Variants in GOLGA1 observed in about 807,000 individuals in gnomAD.
GOLGA1 encodes golgin A1.
GOLGA1 carries 63 observed loss-of-function variants against 119.7 expected under a neutral mutation model. That is an observed-to-expected ratio of 0.53 (90% confidence interval 0.43 to 0.65). The LOEUF (loss-of-function observed/expected upper bound fraction) is 0.65. Ranked by LOEUF, GOLGA1 falls within the 30% of genes least tolerant of loss-of-function variation. GOLGA1 has a pLI of 0.00. For synonymous variants in GOLGA1, 318 were observed against 333.4 expected (o/e 0.95, Z 0.50); for missense variants, 798 against 912.8 (o/e 0.87, Z 1.62).
At chr9:124,930,175 T>A (rs1314929408) in intron 4 of GOLGA1, among the ~76,000 whole-genome samples, 1 of 152,204 alleles carries the variant, frequency 6.6e-6, no homozygotes, top group African/African-American at 2.4e-5. Flanking sequence ...TGCTCTTCCC[T>A]GTCCCTTCTC....
chr9:124,937,578 C>T (rs1197754716), intron 3 of GOLGA1, among the ~76,000 whole-genome samples: 1 of 151,202 alleles, frequency 6.6e-6, no homozygotes, highest in Non-Finnish European at 1.5e-5. Flanking sequence ...ATGCAATGAG[C>T]TGAGATCATG....
intron 12 of GOLGA1, among the ~76,000 whole-genome samples, chr9:124,900,917 GCTTT>G (rs1025678024): frequency 3.3e-5 from 5 of 151,484 alleles, no homozygotes; most frequent in Admixed American, 6.6e-5. Context: ...GCCTACTTAG[GCTTT>G]CTGTTTTTCC....
At chr9:124,884,006 G>C (rs1220988016) in intron 19 of GOLGA1, among the ~76,000 whole-genome samples, 1 of 151,934 alleles carries the variant, frequency 6.6e-6, no homozygotes, top group African/African-American at 2.4e-5. Flanking sequence ...TCATAATATA[G>C]GGAAAAAAAA....
intron 12 of GOLGA1, 57 bp from the exon 13 acceptor site, chr9:124,900,604 A>G (rs1830084187): frequency 1.2e-6 from 1 of 804,658 alleles, no homozygotes; most frequent in Admixed American, 2.4e-5. Flanking sequence ...AGTGGTAACA[A>G]ATGGCTTTAA....
At chr9:124,886,877 G>C (rs956857439) in intron 19 of GOLGA1, among the ~76,000 whole-genome samples, 7 of 151,972 alleles carry the variant, frequency 4.6e-5, no homozygotes, top group Non-Finnish European at 8.8e-5. Flanking sequence ...GGGCAGAGGG[G>C]CGTGAAGGCC....
chr9:124,915,873 G>A lies in GOLGA1; in HGVS notation c.844-3847C>T, dbSNP rs529946347. Among the ~76,000 whole-genome samples, 5 of 152,194 alleles carry A rather than the reference G, an allele frequency of 3.3e-5. No homozygotes were observed. The East Asian group carries it at 9.7e-4, about 29-fold the overall frequency. ...AATCCTAGCACTTTGGGAGTCCGAGGCAGGCAGATCAAGAGGTCAGGAGTT... is the reference window on the plus strand; with the variant it reads ...AATCCTAGCACTTTGGGAGTCCGAGACAGGCAGATCAAGAGGTCAGGAGTT... On this transcript the variant is annotated intron_variant, in intron 10 of 22. Transcript: ENST00000373555.
Position 124,936,627 on chromosome 9 carries a change from C to T in GOLGA1, c.135+1950G>A, listed in dbSNP as rs1315590132. Among the ~76,000 whole-genome samples the T allele has an allele frequency of 4.7e-5, 7 of 149,534 alleles. No individual in the cohort carries two copies. In the South Asian group the frequency reaches 1.1e-3, roughly 23 times the overall value. ...GGCAAATTAAAAAAAAAAAAAAAAA[C>T]TTTTGTAGATATGCAGTCTTGCTAT... is the stretch of plus-strand genomic sequence containing the variant. On this transcript the variant is annotated intron_variant, in intron 3 of 22. Transcript: ENST00000373555.
intron 7 of GOLGA1, among the ~76,000 whole-genome samples, chr9:124,926,279 G>A (rs1168788983): frequency 6.6e-6 from 1 of 152,212 alleles, no homozygotes; most frequent in East Asian, 1.9e-4. Flanking sequence ...AGGTCCAACT[G>A]AAGCTGTGAC....
chr9:124,929,173 T>C (rs759066820), intron 5 of GOLGA1, 43 bp downstream of exon 5: 2 of 1,191,476 alleles, frequency 1.7e-6, no homozygotes, highest in Admixed American at 1.7e-5. Flanking sequence ...TTTCAAAAAC[T>C]AAACCTTGAA....
rs543230015 is a variant in GOLGA1, at chr9:124,917,679, C to T, written c.843+3450G>A. 1.6e-3 allele frequency among the ~76,000 whole-genome samples: 246 copies of T among 152,254 alleles called. 1 individual carries two copies. Among genetic ancestry groups the T allele is most frequent in the African/African-American group, 5.7e-3 (238 of 41,552 alleles). On this transcript the variant is annotated intron_variant, in intron 10 of 22. Transcript: ENST00000373555. The stretch of plus-strand genomic sequence containing the variant: ...TCTCTCTTATTCTGTATGTCACTGG[C>T]TTTCTTCTAGTTCCTTGAATGTGCT...
At chr9:124,937,421 C>T (rs145788097) in intron 3 of GOLGA1, among the ~76,000 whole-genome samples, 2,420 of 151,970 alleles carry the variant, frequency 0.016, 56 homozygotes, top group African/African-American at 0.055. Context: ...CTGCTGCACT[C>T]CACCCTAGGT....
intron 3 of GOLGA1, 97 bp from the exon 4 acceptor site, chr9:124,931,503 C>A: frequency 1.4e-6 from 1 of 710,672 alleles, no homozygotes; most frequent in Admixed American, 2.2e-5. Flanking sequence ...TTTGGTTACA[C>A]TTTAATTAAT....
At chr9:124,895,502 C>T (rs1829956140) in intron 15 of GOLGA1, among the ~76,000 whole-genome samples, 1 of 148,726 alleles carries the variant, frequency 6.7e-6, no homozygotes, top group African/African-American at 2.5e-5. Context: ...GAGAACCCTC[C>T]ACAACAGAGA....
chr9:124,927,768 G>C (rs1830701465), intron 6 of GOLGA1, among the ~76,000 whole-genome samples: 1 of 152,154 alleles, frequency 6.6e-6, no homozygotes, highest in African/African-American at 2.4e-5. Context: ...AAGAAACGTG[G>C]GAACAGAGGT....
At chr9:124,913,227 G>C (rs1830373929) in intron 10 of GOLGA1, among the ~76,000 whole-genome samples, 1 of 152,142 alleles carries the variant, frequency 6.6e-6, no homozygotes, top group Non-Finnish European at 1.5e-5. Context: ...CCTCCCACCA[G>C]GTCCCTCCCT....
chr9:124,911,835 T>A, intron 11 of GOLGA1, 66 bp downstream of exon 11: 1 of 1,422,736 alleles, frequency 7.0e-7, no homozygotes, highest in South Asian at 1.2e-5. Context: ...ACTCTAGGAA[T>A]TGTGAAGTCA....
At position 124,881,027 on chromosome 9, in the gene GOLGA1, A is replaced by T. The variant is rs1393659105; in HGVS notation, c.2223+144T>A. ...TCATCGCTAAAAAGTGCTTGGATCA[A>T]GTTCATCCAAAAGCAGCCAAGCTGA... On this transcript the variant is annotated intron_variant, in intron 22 of 22. Transcript: ENST00000373555. The surrounding 1 kb of genome is among the most constrained non-coding windows in gnomAD (Gnocchi z 4.9). 1 of 668,218 alleles carries T rather than the reference A, an allele frequency of 1.5e-6. No homozygotes were observed. The highest frequency in any genetic ancestry group is 2.7e-6 in the Non-Finnish European group (1 of 364,840). The allele number at this position is 668,218 out of a possible 1,614,324, so 41.4% of individuals were successfully genotyped here.
intron 12 of GOLGA1, among the ~76,000 whole-genome samples, chr9:124,903,201 G>T (rs941824725): frequency 6.6e-6 from 1 of 152,116 alleles, no homozygotes; most frequent in African/African-American, 2.4e-5. Context: ...CAAAAGCTGG[G>T]TGTGGGTTGG....
At position 124,928,220 on chromosome 9, in the gene GOLGA1, C is replaced by A; in HGVS notation, c.367G>T (p.Gly123Ter). Residue 123 changes from glycine to a stop codon, truncating the protein, a stop_gained, in exon 6 of 23, where the codon GGA (glycine) becomes TGA (stop). Transcript: ENST00000373555. LOFTEE classifies it high-confidence loss of function. ...TTTCTGGCTAATGCCAAAGCCAGTCCTTCTGCCATTTTGGCTCTGTTGGCT... is the reference window on the plus strand; with the variant it reads ...TTTCTGGCTAATGCCAAAGCCAGTCATTCTGCCATTTTGGCTCTGTTGGCT... ...FQANRAKMAE[G>*]LALALARKDQ... The A allele has an allele frequency of 1.2e-6, 2 of 1,601,484 alleles. No individual in the cohort carries two copies. The highest frequency in any genetic ancestry group is 8.6e-7 in the Non-Finnish European group (1 of 1,169,124).
Sources: allele counts gnomAD v4.1 joint callset (sites outside exome capture counted in the v4.1 genomes callset), GRCh38; gene constraint gnomAD v4.1.1; non-coding constraint Gnocchi (gnomAD v3.1); transcripts MANE v1.5; gene names NCBI Gene and HGNC (gene_info 2026-07-23, HGNC 2026-07-21).